The following PGAP2 variants were observed in gnomAD, a reference collection of about 807,000 sequenced individuals.
PGAP2 encodes the protein acyltransferase PGAP2.
A neutral mutation model predicts 33.2 loss-of-function variants in PGAP2; 21 were observed. The observed-to-expected ratio is 0.63, with a 90% CI of 0.45 to 0.91. The LOEUF is 0.91. Ranked by LOEUF, PGAP2 falls within the 40% of genes least tolerant of loss-of-function variation. The pLI is 0.00. For missense variants in PGAP2, 345 were observed against 424.0 expected (o/e 0.81, Z 1.64); for synonymous variants, 161 against 172.9 (o/e 0.93, Z 0.54).
At chr11:3,804,550 C>G (rs535399447), upstream of PGAP2, among the ~76,000 whole-genome samples, 1 of 152,284 alleles carries the variant, frequency 6.6e-6, no homozygotes, top group Admixed American at 6.5e-5. Flanking sequence ...TATACCTACC[C>G]CAGCCATGCT....
chr11:3,823,024 CTTTTTTTTTTTTTTTT>C (rs746736798), intron 3 of PGAP2: 308 of 307,350 alleles, frequency 1.0e-3, no homozygotes, highest in Middle Eastern at 3.1e-3. Flanking sequence ...TTTTTCTTTT[CTTTTTTTTTTTTTTTT>C]TTTTTTTTTT....
At chr11:3,821,979 G>A (rs1215949067) in intron 3 of PGAP2, among the ~76,000 whole-genome samples, 3 of 151,902 alleles carry the variant, frequency 2.0e-5, no homozygotes, top group Non-Finnish European at 4.4e-5. Context: ...AATCACCTGA[G>A]CCCAGAAAGT....
intron 1 of PGAP2, among the ~76,000 whole-genome samples, chr11:3,801,364 C>T (rs1245663208): frequency 2.6e-5 from 4 of 152,086 alleles, no homozygotes; most frequent in Non-Finnish European, 4.4e-5. Context: ...GTATCCCAGC[C>T]GGGCATGGTG....
intron 3 of PGAP2, among the ~76,000 whole-genome samples, chr11:3,819,191 A>G (rs542360832): frequency 6.6e-6 from 1 of 152,236 alleles, no homozygotes; most frequent in East Asian, 1.9e-4. Context: ...AGCTGGGACT[A>G]CAGGTGCATG....
Position 3,811,462 on chromosome 11 carries a change from G to T in PGAP2, c.165+38G>T, listed in dbSNP as rs755673166. 3.8e-6 allele frequency: 6 copies of T among 1,563,676 alleles called. No individual in the cohort carries two copies. The highest frequency in any genetic ancestry group is 1.1e-5 in the South Asian group (1 of 87,846). ...GACACTGATACCTCATATTCAGGCCGATCTGGATCTTCTTTAGATCTTGAA... is the reference window on the plus strand; with the variant it reads ...GACACTGATACCTCATATTCAGGCCTATCTGGATCTTCTTTAGATCTTGAA... On this transcript the variant is annotated intron_variant, in intron 2 of 6. Coordinates refer to ENST00000278243, the MANE Select transcript of PGAP2 (RefSeq NM_014489.4). This position sits in a 1 kb window ranked among gnomAD's most constrained non-coding sequence, Gnocchi z 4.6.
chr11:3,812,418 AC>A (rs1288214511), intron 2 of PGAP2, among the ~76,000 whole-genome samples: 4 of 151,716 alleles, frequency 2.6e-5, no homozygotes, highest in Non-Finnish European at 4.4e-5. Flanking sequence ...ACATAGTGAG[AC>A]CCCCATTTCT....
chr11:3,817,080 G>A (rs887653499), intron 2 of PGAP2, among the ~76,000 whole-genome samples: 1 of 152,136 alleles, frequency 6.6e-6, no homozygotes, highest in East Asian at 1.9e-4. Context: ...GCCACCGGGA[G>A]CCTCTCTTCT....
At chr11:3,801,330 G>A (rs1328979044) in intron 1 of PGAP2, among the ~76,000 whole-genome samples, 1 of 151,596 alleles carries the variant, frequency 6.6e-6, no homozygotes, top group Non-Finnish European at 1.5e-5. Context: ...TCAATAAATG[G>A]TATTGTTTGC....
chr11:3,798,215 A>G, intron 1 of PGAP2: 1 of 1,141,838 alleles, frequency 8.8e-7, no homozygotes, highest in Non-Finnish European at 1.2e-6. Context: ...AATTTCTAGG[A>G]TGGACATTAG....
Position 3,817,731 on chromosome 11 carries a change from G to C in PGAP2, c.348+196G>C, listed in dbSNP as rs539912091. The C allele has an allele frequency of 1.3e-5, 9 of 695,200 alleles. No homozygotes were observed. The East Asian group carries it at 2.2e-4, about 17-fold the overall frequency. The allele number at this position is 695,200 out of a possible 1,614,324, so 43.1% of individuals were successfully genotyped here. On this transcript the variant is annotated intron_variant, in intron 3 of 6. Transcript: ENST00000278243. Reference sequence around the variant, plus strand: ...AGAGAATAGAATCACAGTCCTCCCTGAGTTGGAAGATGATGATAGAAATGC... The same window carrying C: ...AGAGAATAGAATCACAGTCCTCCCTCAGTTGGAAGATGATGATAGAAATGC...
At chr11:3,809,720 G>T (rs896359486) in intron 1 of PGAP2, among the ~76,000 whole-genome samples, 4 of 151,968 alleles carry the variant, frequency 2.6e-5, no homozygotes, top group African/African-American at 9.7e-5. Flanking sequence ...CAGGGAATGT[G>T]TTTTTTTTCT....
chr11:3,826,334 A>G lies in PGAP2; in HGVS notation c.*876A>G, dbSNP rs2090012212. On this transcript the variant is annotated 3_prime_UTR_variant, in exon 7 of 7. Coordinates refer to ENST00000278243, the MANE Select transcript of PGAP2 (RefSeq NM_014489.4). ...GTACATTTTATTTGAAAGGAAAATA[A>G]ATTTTTTTTTTGGGCCAACAGTTGC... 6.6e-6 allele frequency: 1 copy of G among 151,998 alleles called. No homozygotes were observed. Among genetic ancestry groups the G allele is most frequent in the Non-Finnish European group, 1.5e-5 (1 of 68,042 alleles). 9.4% of individuals were successfully genotyped at this position (151,998 alleles called of 1,614,324 possible). A position where few individuals can be genotyped will look rare whatever the true frequency, so the allele number is the denominator to read the frequency against.
intron 1 of PGAP2, among the ~76,000 whole-genome samples, chr11:3,803,272 C>T (rs1201293181): frequency 1.3e-5 from 2 of 149,764 alleles, no homozygotes; most frequent in Non-Finnish European, 3.0e-5. Flanking sequence ...GGATTACAGG[C>T]GTGAGCCACC....
Position 3,825,087 on chromosome 11 carries a change from T to C in PGAP2, c.776T>C (p.Leu259Pro). 6.2e-7 allele frequency: 1 copy of C among 1,614,212 alleles called. No homozygotes were observed. Among genetic ancestry groups the C allele is most frequent in the Non-Finnish European group, 8.5e-7 (1 of 1,180,030 alleles). Residue 259 changes from leucine (L) to proline (P), a missense_variant, in exon 6 of 7, where the codon CTG (leucine) becomes CCG (proline). This residue lies in a region of PGAP2 where 311 missense variants were observed against 353.6 expected (regional missense o/e 0.88). Transcript: ENST00000278243. ...AACTTCATCTCCTTCTTCTCGGCGC[T>C]GGCTGTCTACTTTCGGCACAACATG... ...IINFISFFSA[L>P]AVYFRHNMYC... is the part of the protein sequence containing the mutation.
chr11:3,803,791 A>T (rs896212149), upstream of PGAP2, among the ~76,000 whole-genome samples: 1 of 75,750 alleles, frequency 1.3e-5, no homozygotes, highest in African/African-American at 4.2e-5. Flanking sequence ...TGCTATATAT[A>T]TATATATTTT....
Position 3,813,991 on chromosome 11 carries a change from T to C in PGAP2, c.165+2567T>C, listed in dbSNP as rs371293477. Among the ~76,000 whole-genome samples the C allele has an allele frequency of 6.1e-4, 93 of 152,292 alleles. 3 individuals are homozygous for C. In the South Asian group the frequency reaches 0.018, roughly 30 times the overall value. On this transcript the variant is annotated intron_variant, in intron 2 of 6. Transcript: ENST00000278243. ...TCCCTCTGGAGCAGTACTAGGTCTG[T>C]GACCCTGAGGGTATGTTGTCCCCAC... is the stretch of plus-strand genomic sequence containing the variant.
At chr11:3,805,540 G>C (rs964714642), upstream of PGAP2, among the ~76,000 whole-genome samples, 13 of 148,490 alleles carry the variant, frequency 8.8e-5, no homozygotes, top group African/African-American at 3.2e-4. Flanking sequence ...GGGATTACAG[G>C]TGTAAGCCAC....
chr11:3,812,920 G>A (rs1249572969), intron 2 of PGAP2, among the ~76,000 whole-genome samples: 3 of 152,184 alleles, frequency 2.0e-5, no homozygotes, highest in Admixed American at 6.5e-5. Context: ...GCGAACAGGC[G>A]ATCTGAAGGG....
At chr11:3,822,998 G>A (rs1031332426) in intron 3 of PGAP2, 2 of 1,230,840 alleles carry the variant, frequency 1.6e-6, no homozygotes, top group Non-Finnish European at 2.3e-6. Flanking sequence ...CCCCAGGTTA[G>A]GAGCACCCAC....
Sources: gnomAD v4.1 joint callset for allele counts (sites outside exome capture counted in the v4.1 genomes callset) on GRCh38, gnomAD v4.1.1 for gene constraint, gnomAD v4.1.1 regional missense constraint, Gnocchi (gnomAD v3.1) non-coding constraint, MANE v1.5 for transcripts, NCBI Gene and HGNC (gene_info 2026-07-23, HGNC 2026-07-21) for gene names.